The following FCRL1 variants were observed in gnomAD, a reference collection of about 807,000 sequenced individuals.
The protein encoded by FCRL1 is Fc receptor like 1.
FCRL1 carries 34 observed loss-of-function variants against 49.2 expected under a neutral mutation model. The ratio of observed to expected loss-of-function variants is 0.69; its 90% CI spans 0.53 to 0.92. FCRL1 has a LOEUF of 0.92. Among genes scored for constraint, FCRL1 ranks in the 40% least tolerant of loss-of-function variants. The pLI is 0.00. For synonymous variants in FCRL1, 218 were observed against 201.6 expected (o/e 1.08, Z -0.69); for missense variants, 524 against 524.1 (o/e 1.00, Z 0.00).
chr1:157,805,361 A>G (rs375338332), intron 2 of FCRL1, among the ~76,000 whole-genome samples: 5 of 152,220 alleles, frequency 3.3e-5, no homozygotes, highest in African/African-American at 1.2e-4. Flanking sequence ...TCCTTACCAG[A>G]TGAAAATGAC....
Position 157,796,042 on chromosome 1 carries a change from T to A in FCRL1, c.*57A>T. Reference sequence around the variant, plus strand: ...TGCCCCAGGATCTCTGAAGAACATATCAGGCCTGAGGCTTGGGGTCATGGA... The same window carrying A: ...TGCCCCAGGATCTCTGAAGAACATAACAGGCCTGAGGCTTGGGGTCATGGA... On this transcript the variant is annotated 3_prime_UTR_variant, in exon 11 of 11. Transcript: ENST00000368176. 2 of 1,419,422 alleles carry A rather than the reference T, an allele frequency of 1.4e-6. No individual in the cohort carries two copies. The highest frequency in any genetic ancestry group is 2.0e-6 in the Non-Finnish European group (2 of 1,002,444). The allele number at this position is 1,419,422 out of a possible 1,614,324, so 87.9% of individuals were successfully genotyped here. A position where few individuals can be genotyped will look rare whatever the true frequency, so the allele number is the denominator to read the frequency against.
chr1:157,798,731 G>A (rs1458534160), intron 7 of FCRL1, among the ~76,000 whole-genome samples: 1 of 151,876 alleles, frequency 6.6e-6, no homozygotes, highest in Non-Finnish European at 1.5e-5. Flanking sequence ...CTAAACATTG[G>A]GATCTCTAGA....
chr1:157,810,894 C>T (rs1654222633), intron 1 of FCRL1, among the ~76,000 whole-genome samples: 1 of 152,096 alleles, frequency 6.6e-6, no homozygotes, highest in African/African-American at 2.4e-5. Flanking sequence ...CTTACCTCAG[C>T]CTCCCAAGTA....
chr1:157,800,217 C>A, intron 6 of FCRL1, 132 bp from the exon 7 acceptor site: 2 of 637,044 alleles, frequency 3.1e-6, no homozygotes, highest in East Asian at 5.7e-5. Flanking sequence ...ACTGTGTGCC[C>A]AGCAGACATC....
intron 3 of FCRL1, 43 bp from the exon 4 acceptor site, chr1:157,802,707 G>A: frequency 6.4e-7 from 1 of 1,565,116 alleles, no homozygotes. Context: ...TGTGCAGGGA[G>A]AGTTTCAAAG....
Position 157,814,581 on chromosome 1 carries a change from C to T in FCRL1, c.31+5426G>A, listed in dbSNP as rs1051542012. Among the ~76,000 whole-genome samples the T allele has an allele frequency of 3.3e-5, 5 of 151,976 alleles. No individual in the cohort carries two copies. In the East Asian group the frequency reaches 7.7e-4, roughly 24 times the overall value. On this transcript the variant is annotated intron_variant, in intron 1 of 10. Coordinates refer to ENST00000368176, the MANE Select transcript of FCRL1 (RefSeq NM_052938.5). Reference sequence around the variant, plus strand: ...AAAGATCTACAAAACAATTAGAAAACACTCAACAAAATGGCAGGAGTTAAG... The same window carrying T: ...AAAGATCTACAAAACAATTAGAAAATACTCAACAAAATGGCAGGAGTTAAG...
At chr1:157,802,236 C>A (rs773878952) in intron 4 of FCRL1, 43 bp from the exon 5 acceptor site, 11 of 1,590,304 alleles carry the variant, frequency 6.9e-6, no homozygotes, top group Non-Finnish European at 9.4e-6. Flanking sequence ...TCTGACAATG[C>A]AGCAAACTCA....
rs1557885009 is a variant in FCRL1, at chr1:157,795,253, G to A, written c.*846C>T. Reference sequence around the variant, plus strand: ...GCCTGTAGTCCCAGCTACTCAGCAGGCTGAGGTGAGAGGTTTGCTTGAGCC... The same window carrying A: ...GCCTGTAGTCCCAGCTACTCAGCAGACTGAGGTGAGAGGTTTGCTTGAGCC... On this transcript the variant is annotated 3_prime_UTR_variant, in exon 11 of 11. Coordinates refer to ENST00000368176, the MANE Select transcript of FCRL1 (RefSeq NM_052938.5). 6.6e-6 allele frequency: 1 copy of A among 152,154 alleles called. No homozygotes were observed. The highest frequency in any genetic ancestry group is 2.4e-5 in the African/African-American group (1 of 41,418). 9.4% of individuals were successfully genotyped at this position (152,154 alleles called of 1,614,324 possible).
At chr1:157,813,753 A>G (rs1304798557) in intron 1 of FCRL1, among the ~76,000 whole-genome samples, 1 of 152,190 alleles carries the variant, frequency 6.6e-6, no homozygotes, top group Non-Finnish European at 1.5e-5. Flanking sequence ...AAAATCCCCA[A>G]ATAGATTTAA....
At chr1:157,817,729 T>C (rs1655237528) in intron 1 of FCRL1, among the ~76,000 whole-genome samples, 1 of 151,704 alleles carries the variant, frequency 6.6e-6, no homozygotes, top group Non-Finnish European at 1.5e-5. Context: ...ATCAACAGAG[T>C]GAAGAGACAA....
chr1:157,805,290 C>T (rs1238992422), intron 2 of FCRL1, among the ~76,000 whole-genome samples: 2 of 152,194 alleles, frequency 1.3e-5, no homozygotes, highest in African/African-American at 2.4e-5. Flanking sequence ...GTTTATCCAA[C>T]CCTCAGAGCC....
chr1:157,798,161 C>G lies in FCRL1; in HGVS notation c.1114G>C (p.Val372Leu), dbSNP rs755639493. 1 of 1,610,770 alleles carries G rather than the reference C, an allele frequency of 6.2e-7. No individual in the cohort carries two copies. Among genetic ancestry groups the G allele is most frequent in the Non-Finnish European group, 8.5e-7 (1 of 1,178,224 alleles). The change falls in exon 8 of 11, where the codon GTG (valine) becomes CTG (leucine). Residue 372 changes from valine (V) to leucine (L), a missense_variant and splice_region_variant. Transcript: ENST00000368176. ...PGQLQPIYEN[V>L]NVVSGDEVYS... The stretch of plus-strand genomic sequence containing the variant: ...GCCTGGGCCATTTGGGAAGGCTCAC[C>G]ATTTTCATATATAGGCTGTAGCTGC...
chr1:157,819,847 A>T (rs1320084191), intron 1 of FCRL1, among the ~76,000 whole-genome samples, 160 bp downstream of exon 1: 1 of 152,124 alleles, frequency 6.6e-6, no homozygotes, highest in Non-Finnish European at 1.5e-5. Context: ...AATATCTACA[A>T]CTTTTTGCCT....
rs1425178243 is a variant in FCRL1, at chr1:157,796,103, A to G, written c.1286T>C (p.Met429Thr). The change falls in exon 11 of 11, where the codon ATG becomes ACG. Residue 429 changes from methionine (M) to threonine (T), a missense_variant. Coordinates refer to ENST00000368176, the MANE Select transcript of FCRL1 (RefSeq NM_052938.5). ...NITDVDYEDA[M>T] ...AGAGCAGAATCTTCCATAACCTTAC[A>G]TAGCATCTTCATAGTCCACATCTGT... The G allele has an allele frequency of 6.2e-7, 1 of 1,613,700 alleles. No homozygotes were observed. Among genetic ancestry groups the G allele is most frequent in the Non-Finnish European group, 8.5e-7 (1 of 1,179,600 alleles).
Position 157,802,145 on chromosome 1 carries a change from G to T in FCRL1, c.656C>A (p.Ala219Asp). The change falls in exon 5 of 11, where the codon GCT (alanine) becomes GAT (aspartate). Residue 219 changes from alanine (A) to aspartate (D), a missense_variant. Coordinates refer to ENST00000368176, the MANE Select transcript of FCRL1 (RefSeq NM_052938.5). Reference protein sequence around the residue: ...ILMLRAPRAQAAVEDVLELHC... With the variant: ...ILMLRAPRAQDAVEDVLELHC... ...AAGCTCCAGCACATCCTCCACTGCA[G>T]CCTGGGCCCTGGGAGCCCTGAGCAT... The T allele has an allele frequency of 1.2e-6, 2 of 1,614,178 alleles. No individual in the cohort carries two copies. The highest frequency in any genetic ancestry group is 2.2e-5 in the South Asian group (2 of 91,084).
rs1652543587 is a variant in FCRL1, at chr1:157,801,928, T to C, written c.873A>G (p.Thr291=). The stretch of plus-strand genomic sequence containing the variant: ...CCTGAGCTATACCTGTGAAGTTGAG[T>C]GTCACCGCCTCACTGCGCTGGGCCC... ...GLGAQRSEAV[T]LNFTVPTGAR... The change falls in exon 5 of 11, where the codon ACA becomes ACG. Residue 291 remains threonine, a synonymous_variant. Coordinates refer to ENST00000368176, the MANE Select transcript of FCRL1 (RefSeq NM_052938.5). The C allele has an allele frequency of 6.2e-7, 1 of 1,613,118 alleles. No individual in the cohort carries two copies. Among genetic ancestry groups the C allele is most frequent in the Non-Finnish European group, 8.5e-7 (1 of 1,179,592 alleles).
At chr1:157,798,375 G>C in intron 7 of FCRL1, 132 bp from the exon 8 acceptor site, 1 of 743,074 alleles carries the variant, frequency 1.3e-6, no homozygotes, top group Non-Finnish European at 2.2e-6. Flanking sequence ...TGAGCAGCTA[G>C]AAGGCACAGC....
At chr1:157,809,416 A>C (rs1487456781) in intron 1 of FCRL1, among the ~76,000 whole-genome samples, 1 of 148,496 alleles carries the variant, frequency 6.7e-6, no homozygotes, top group Non-Finnish European at 1.5e-5. Context: ...GTTTGTAAAA[A>C]ACAAAAACAA....
chr1:157,804,034 G>C lies in FCRL1; in HGVS notation c.130C>G (p.Gln44Glu). The change falls in exon 3 of 11, where the codon CAG (glutamine) becomes GAG (glutamate). Residue 44 changes from glutamine (Q) to glutamate (E), a missense_variant. By Grantham distance (29) the Gln-to-Glu change is conservative. Coordinates refer to ENST00000368176, the MANE Select transcript of FCRL1 (RefSeq NM_052938.5). ...AACTGGAACTGGGCATCTGAACTCTGTAGAAAGGGCATCTTACACGTCAGG... is the reference window on the plus strand; with the variant it reads ...AACTGGAACTGGGCATCTGAACTCTCTAGAAAGGGCATCTTACACGTCAGG... ...VTLTCKMPFLQSSDAQFQFCF... is the reference protein window; with the variant it reads ...VTLTCKMPFLESSDAQFQFCF... 2 of 1,614,212 alleles carry C rather than the reference G, an allele frequency of 1.2e-6. No homozygotes were observed. Among genetic ancestry groups the C allele is most frequent in the South Asian group, 2.2e-5 (2 of 91,080 alleles).
Sources: gnomAD v4.1 joint callset for allele counts (sites outside exome capture counted in the v4.1 genomes callset) on GRCh38, gnomAD v4.1.1 for gene constraint, MANE v1.5 for transcripts, NCBI Gene and HGNC (gene_info 2026-07-23, HGNC 2026-07-21) for gene names.